The following OLR1 variants were observed in gnomAD, a reference collection of about 807,000 sequenced individuals.
The protein encoded by OLR1 is oxidized low-density lipoprotein receptor 1.
A neutral mutation model predicts 31.7 loss-of-function variants in OLR1; 23 were observed. The observed-to-expected ratio is 0.72, with a 90% confidence interval of 0.52 to 1.03. The LOEUF (loss-of-function observed/expected upper bound fraction) is 1.03, where lower values mean the gene tolerates loss of function less well. Among genes scored for constraint, OLR1 ranks in the 50% least tolerant of loss-of-function variants. The pLI, the probability that OLR1 is intolerant of heterozygous loss-of-function variation, is 0.00. For synonymous variants in OLR1, 117 were observed against 115.8 expected, an observed-to-expected ratio of 1.01 and a Z score of -0.07; for missense variants, 286 against 315.7, an observed-to-expected ratio of 0.91 and a Z score of 0.71.
chr12:10,162,790 T>C (rs942624830), intron 3 of OLR1, among the ~76,000 whole-genome samples: 4 of 152,308 alleles, frequency 2.6e-5, no homozygotes, highest in South Asian at 2.1e-4. Flanking sequence ...ATCATGCCAC[T>C]GCACTCTAAC....
intron 2 of OLR1, among the ~76,000 whole-genome samples, chr12:10,168,598 A>G (rs146025077): frequency 5.9e-5 from 9 of 152,238 alleles, no homozygotes; most frequent in African/African-American, 2.2e-4. Context: ...GGTTCAAGCT[A>G]TTCTCCTACC....
At chr12:10,162,407 A>G (rs1246516480) in intron 3 of OLR1, among the ~76,000 whole-genome samples, 2 of 152,208 alleles carry the variant, frequency 1.3e-5, no homozygotes, top group African/African-American at 4.8e-5. Context: ...AGCATACAAA[A>G]CACTAAGTTG....
In OLR1 at chr12:10,159,631, G is replaced by A. The variant is rs553080240; in HGVS notation, c.*249C>T. 8.1e-4 allele frequency: 267 copies of A among 329,874 alleles called. 2 individuals are homozygous for A. The highest frequency in any genetic ancestry group is 4.7e-3 in the African/African-American group (232 of 48,964). 20.4% of individuals were successfully genotyped at this position (329,874 alleles called of 1,614,324 possible). On this transcript the variant is annotated 3_prime_UTR_variant, in exon 6 of 6. Coordinates refer to ENST00000309539, the MANE Select transcript of OLR1 (RefSeq NM_002543.4). ...AGGAGTCAAATTTTAAAATAAAAAG[G>A]GGAAAATGGACTTCAGGCTGGCAGG... is the stretch of plus-strand genomic sequence containing the variant.
At chr12:10,160,201 T>C (rs1948608371) in intron 5 of OLR1, 146 bp downstream of exon 5, 1 of 901,194 alleles carries the variant, frequency 1.1e-6, no homozygotes, top group African/African-American at 1.7e-5. Flanking sequence ...GTGAAAGAGG[T>C]AAGGAAGGAG....
chr12:10,165,291 G>C (rs563837599), intron 3 of OLR1, among the ~76,000 whole-genome samples: 2 of 150,876 alleles, frequency 1.3e-5, no homozygotes, highest in African/African-American at 2.4e-5. Context: ...TTGGCCGGGC[G>C]TGGTGGTGGG....
chr12:10,160,412 C>T lies in OLR1; in HGVS notation c.615G>A (p.Gly205=). 6.2e-7 allele frequency: 1 copy of T among 1,613,744 alleles called. No homozygotes were observed. The highest frequency in any genetic ancestry group is 8.5e-7 in the Non-Finnish European group (1 of 1,179,866). The change falls in exon 5 of 6, where the codon GGG becomes GGA. Residue 205 remains glycine, a synonymous_variant. Transcript: ENST00000309539. ...ISYSSFPFWM[G]LSRRNPSYPW... ...GGTAGCTGGGGTTCCTCCGAGACAG[C>T]CCCATCCAGAATGGAAAACTGGAAT...
chr12:10,163,925 C>T (rs567777882), intron 3 of OLR1, among the ~76,000 whole-genome samples: 20 of 150,640 alleles, frequency 1.3e-4, no homozygotes, highest in East Asian at 9.7e-4. Flanking sequence ...AGCGAGACTC[C>T]GTCTCAAAAA....
Position 10,159,590 on chromosome 12 carries a change from G to A in OLR1, c.*290C>T. The A allele has an allele frequency of 1.2e-5, 3 of 252,488 alleles. No individual in the cohort carries two copies. The South Asian group carries it at 2.3e-4, about 19-fold the overall frequency. 15.6% of individuals were successfully genotyped at this position (252,488 alleles called of 1,614,324 possible). ...AGGTAAAGAAGACTGAGTTCAGAGG[G>A]TTTTCAAGCTTGAAGAGGAGTCAAA... is the stretch of plus-strand genomic sequence containing the variant. On this transcript the variant is annotated 3_prime_UTR_variant, in exon 6 of 6. Transcript: ENST00000309539.
At chr12:10,160,743 A>T in intron 4 of OLR1, 43 bp downstream of exon 4, 1 of 1,598,878 alleles carries the variant, frequency 6.3e-7, no homozygotes, top group Non-Finnish European at 8.6e-7. Context: ...TAATTTCCCT[A>T]TCAACCAATA....
At chr12:10,164,961 T>C (rs1252959614) in intron 3 of OLR1, among the ~76,000 whole-genome samples, 1 of 152,136 alleles carries the variant, frequency 6.6e-6, no homozygotes, top group Non-Finnish European at 1.5e-5. Context: ...CTACCTCCAT[T>C]GGCTCTATTT....
chr12:10,173,546 G>GA (rs554687821), upstream of OLR1, among the ~76,000 whole-genome samples: 8 of 118,322 alleles, frequency 6.8e-5, no homozygotes, highest in South Asian at 1.4e-3. Flanking sequence ...TTGGGAAGCT[G>GA]AGGGGGGGGG....
At chr12:10,171,454 C>G (rs1292715050) in intron 1 of OLR1, among the ~76,000 whole-genome samples, 1 of 152,188 alleles carries the variant, frequency 6.6e-6, no homozygotes, top group Non-Finnish European at 1.5e-5. Context: ...GTAACTTATG[C>G]TAAACTATAC....
intron 3 of OLR1, among the ~76,000 whole-genome samples, chr12:10,164,401 G>A (rs892950424): frequency 7.9e-5 from 12 of 152,170 alleles, no homozygotes; most frequent in African/African-American, 2.9e-4. Flanking sequence ...AAATAGTGAA[G>A]GGATTTACAA....
At chr12:10,170,814 T>G (rs1006435686) in intron 1 of OLR1, 2 of 152,124 alleles carry the variant, frequency 1.3e-5, no homozygotes, top group Non-Finnish European at 2.9e-5. Flanking sequence ...ACTAAATTTT[T>G]AGAGGAAAAA....
At chr12:10,165,767 TA>T (rs1051527173) in intron 3 of OLR1, among the ~76,000 whole-genome samples, 3 of 146,254 alleles carry the variant, frequency 2.1e-5, no homozygotes, top group East Asian at 4.1e-4. Context: ...TCTCAAAAAA[TA>T]AAAAAAAAGA....
intron 3 of OLR1, among the ~76,000 whole-genome samples, chr12:10,161,560 G>C (rs1013389602): frequency 6.6e-6 from 1 of 152,068 alleles, no homozygotes. Context: ...AATATAGCTA[G>C]TTTGCATTTC....
chr12:10,165,697 G>A (rs35827587), intron 3 of OLR1, among the ~76,000 whole-genome samples: 5,321 of 151,720 alleles, frequency 0.035, 223 homozygotes, highest in African/African-American at 0.096. Context: ...GGAGGTGGAG[G>A]TTGCAGTGAG....
upstream of OLR1, among the ~76,000 whole-genome samples, chr12:10,174,467 G>T (rs1948751662): frequency 1.3e-5 from 2 of 152,104 alleles, 1 homozygote; most frequent in South Asian, 4.1e-4. Flanking sequence ...CATAATGTAG[G>T]TGGGCCTCAT....
Position 10,159,705 on chromosome 12 carries a change from A to T in OLR1, c.*175T>A. ...AATAATACAGGTAGCTAGAATCAAA[A>T]ATGTTGACATAAAGGTGCCAGGCTC... On this transcript the variant is annotated 3_prime_UTR_variant, in exon 6 of 6. Transcript: ENST00000309539. 1 of 522,194 alleles carries T rather than the reference A, an allele frequency of 1.9e-6. No homozygotes were observed. The highest frequency in any genetic ancestry group is 2.9e-5 in the East Asian group (1 of 34,716). 32.3% of individuals were successfully genotyped at this position (522,194 alleles called of 1,614,324 possible). A position where few individuals can be genotyped will look rare whatever the true frequency, so the allele number is the denominator to read the frequency against.
Sources: gnomAD v4.1 joint callset for allele counts (sites outside exome capture counted in the v4.1 genomes callset) on GRCh38, gnomAD v4.1.1 for gene constraint, MANE v1.5 for transcripts, NCBI Gene and HGNC (gene_info 2026-07-23, HGNC 2026-07-21) for gene names.